The following FGGY variants were observed in gnomAD, a reference collection of about 807,000 sequenced individuals.
FGGY encodes FGGY carbohydrate kinase domain-containing protein.
Under a neutral mutation model 71.3 loss-of-function variants are expected in FGGY, and 72 were observed. The observed-to-expected ratio is 1.01, with a 90% CI of 0.84 to 1.23. FGGY has a LOEUF of 1.23. FGGY is among the 50% of genes most tolerant of loss of function. The pLI, the probability that FGGY is intolerant of heterozygous loss-of-function variation, is 0.00. For synonymous variants in FGGY, 251 were observed against 250.3 expected, an observed-to-expected ratio of 1.00 and a Z score of -0.02; for missense variants, 668 against 682.3, an observed-to-expected ratio of 0.98 and a Z score of 0.23.
intron 11 of FGGY, among the ~76,000 whole-genome samples, chr1:59,641,717 A>G (rs1019487402): frequency 3.3e-5 from 5 of 152,178 alleles, no homozygotes; most frequent in African/African-American, 1.2e-4. Flanking sequence ...GGCCTTAGGA[A>G]TTAGGATGGT....
intron 7 of FGGY, among the ~76,000 whole-genome samples, chr1:59,547,900 T>TATTC (rs376663414): frequency 2.2e-3 from 339 of 152,304 alleles, no homozygotes; most frequent in African/African-American, 7.8e-3. Context: ...CACATTCATT[T>TATTC]ATTCATTCAT....
intron 6 of FGGY, among the ~76,000 whole-genome samples, chr1:59,488,102 A>G (rs1188360727): frequency 1.3e-5 from 2 of 152,148 alleles, no homozygotes; most frequent in Non-Finnish European, 2.9e-5. Flanking sequence ...ATTATTGCAT[A>G]TTCATATTTT....
chr1:59,604,110 G>A (rs905731348), intron 8 of FGGY, among the ~76,000 whole-genome samples: 1 of 152,184 alleles, frequency 6.6e-6, no homozygotes, highest in African/African-American at 2.4e-5. Flanking sequence ...CAACAGTGCC[G>A]TTATTACTGG....
At chr1:59,704,750 T>G (rs2154022099) in intron 14 of FGGY, among the ~76,000 whole-genome samples, 1 of 152,236 alleles carries the variant, frequency 6.6e-6, no homozygotes, top group East Asian at 1.9e-4. Context: ...TTATTGTTGG[T>G]GTAGTTCTTT....
intron 11 of FGGY, among the ~76,000 whole-genome samples, chr1:59,640,674 TA>T (rs2097015693): frequency 6.9e-6 from 1 of 144,208 alleles, no homozygotes; most frequent in Non-Finnish European, 1.5e-5. Flanking sequence ...ATAGAGATAA[TA>T]AAGAGGTCAT....
intron 7 of FGGY, among the ~76,000 whole-genome samples, chr1:59,533,334 T>G (rs2095213480): frequency 6.6e-6 from 1 of 152,238 alleles, no homozygotes; most frequent in Admixed American, 6.5e-5. Flanking sequence ...ATCCCGCACC[T>G]GGCTCGGAGG....
chr1:59,442,033 C>T (rs2153478893), intron 5 of FGGY, among the ~76,000 whole-genome samples: 1 of 152,168 alleles, frequency 6.6e-6, no homozygotes, highest in East Asian at 1.9e-4. Flanking sequence ...TGCCCTCTTC[C>T]TCTGTTGTTC....
In FGGY at chr1:59,334,892, CTACA is replaced by C. The variant is rs2049177101; in HGVS notation, c.202-5065_202-5062del. Among the ~76,000 whole-genome samples, 3 of 152,084 alleles carry C rather than the reference CTACA, an allele frequency of 2.0e-5. No homozygotes were observed. In the South Asian group the frequency reaches 6.2e-4, roughly 32 times the overall value. On this transcript the variant is annotated intron_variant, in intron 2 of 15. Coordinates refer to ENST00000303721, the MANE Select transcript of FGGY (RefSeq NM_018291.5). ...AGAATTAATCGATAAATCTATTATT[CTACA>C]ACTTTAAAAATTATACAAACAAGTG...
chr1:59,519,557 G>A (rs2094764190), intron 7 of FGGY, among the ~76,000 whole-genome samples: 1 of 152,090 alleles, frequency 6.6e-6, no homozygotes, highest in Non-Finnish European at 1.5e-5. Flanking sequence ...CTGGTAAAGT[G>A]GAATTTATAT....
At chr1:59,304,065 T>G (rs992897290) in intron 1 of FGGY, among the ~76,000 whole-genome samples, 3 of 152,186 alleles carry the variant, frequency 2.0e-5, no homozygotes, top group Admixed American at 1.3e-4. Flanking sequence ...ATTGTTTCCT[T>G]TGCTGTGCAG....
At chr1:59,458,358 T>C (rs2091908765) in intron 6 of FGGY, among the ~76,000 whole-genome samples, 1 of 152,204 alleles carries the variant, frequency 6.6e-6, no homozygotes, top group African/African-American at 2.4e-5. Flanking sequence ...GCATGGCATA[T>C]TTTCATATCT....
intron 14 of FGGY, among the ~76,000 whole-genome samples, chr1:59,724,373 A>T (rs1417926229): frequency 1.3e-5 from 2 of 151,654 alleles, no homozygotes; most frequent in Non-Finnish European, 2.9e-5. Flanking sequence ...AGTCCCAGCT[A>T]CTCAGGAGGC....
intron 5 of FGGY, among the ~76,000 whole-genome samples, chr1:59,433,476 G>C (rs142099779): frequency 4.1e-4 from 63 of 152,272 alleles, no homozygotes; most frequent in African/African-American, 1.5e-3. Context: ...GGTGGTGGCT[G>C]CAATGATCTC....
intron 10 of FGGY, among the ~76,000 whole-genome samples, chr1:59,630,219 C>A (rs2096895925): frequency 6.6e-6 from 1 of 152,106 alleles, no homozygotes; most frequent in Non-Finnish European, 1.5e-5. Flanking sequence ...CAACCAGGTC[C>A]CTCCCACAAC....
At chr1:59,473,266 G>C (rs1459920104) in intron 6 of FGGY, among the ~76,000 whole-genome samples, 1 of 151,108 alleles carries the variant, frequency 6.6e-6, no homozygotes, top group Non-Finnish European at 1.5e-5. Flanking sequence ...AACAACTCCA[G>C]ACGCGCCGGC....
intron 6 of FGGY, among the ~76,000 whole-genome samples, chr1:59,503,414 T>C (rs1570313150): frequency 6.6e-6 from 1 of 151,862 alleles, no homozygotes; most frequent in East Asian, 1.9e-4. Context: ...TACCAGTTGC[T>C]TGTTGGACTT....
intron 1 of FGGY, chr1:59,316,474 CCTT>C (rs2045476201): frequency 6.6e-6 from 1 of 152,150 alleles, no homozygotes; most frequent in Non-Finnish European, 1.5e-5. Context: ...GCTTGTACCC[CCTT>C]CTTAGGATTG....
chr1:59,715,156 A>G (rs546728356), intron 14 of FGGY, among the ~76,000 whole-genome samples: 3 of 152,230 alleles, frequency 2.0e-5, no homozygotes, highest in Non-Finnish European at 2.9e-5. Context: ...GCATTTTTCC[A>G]TGGTAGAAAA....
intron 6 of FGGY, among the ~76,000 whole-genome samples, chr1:59,481,210 A>G (rs1367918557): frequency 6.6e-6 from 1 of 152,226 alleles, no homozygotes; most frequent in Non-Finnish European, 1.5e-5. Flanking sequence ...CAAATTGAAT[A>G]TGGTCCAATT....
Sources: gnomAD v4.1 joint callset for allele counts (sites outside exome capture counted in the v4.1 genomes callset) on GRCh38, gnomAD v4.1.1 for gene constraint, MANE v1.5 for transcripts, NCBI Gene and HGNC (gene_info 2026-07-23, HGNC 2026-07-21) for gene names.